The following WFDC11 variants were observed in gnomAD, a reference collection of about 807,000 sequenced individuals.
WFDC11 encodes protein WFDC11.
In WFDC11, 9 loss-of-function variants were observed where a neutral mutation model predicts 9.9. The observed-to-expected ratio is 0.91, with a 90% CI of 0.55 to 1.58. WFDC11 has a LOEUF of 1.58. Among genes scored for constraint, WFDC11 ranks in the 40% most tolerant of loss-of-function variants. The probability of loss-of-function intolerance (pLI) is 0.00; values close to 1 mark genes in which losing one functional copy is unlikely to be tolerated. For synonymous variants in WFDC11, 32 were observed against 33.3 expected (o/e 0.96, Z 0.13); for missense variants, 106 against 101.7 (o/e 1.04, Z -0.18).
intron 2 of WFDC11, among the ~76,000 whole-genome samples, chr20:45,664,280 C>A (rs1014110644): frequency 6.6e-6 from 1 of 151,902 alleles, no homozygotes; most frequent in African/African-American, 2.4e-5. Flanking sequence ...CTTAGTAGAT[C>A]GGCCTCCATC....
intron 3 of WFDC11, among the ~76,000 whole-genome samples, chr20:45,650,247 T>TATATAGAG (rs536980234): frequency 8.8e-4 from 131 of 148,928 alleles, no homozygotes; most frequent in Middle Eastern, 3.5e-3. Flanking sequence ...TGTATATATA[T>TATATAGAG]AGAGAGAGAG....
chr20:45,665,482 G>C (rs936415659), intron 2 of WFDC11, among the ~76,000 whole-genome samples: 1 of 152,200 alleles, frequency 6.6e-6, no homozygotes, highest in Non-Finnish European at 1.5e-5. Context: ...GCGATCATTT[G>C]GAGGAGAAGA....
chr20:45,663,995 C>T (rs543303428), intron 2 of WFDC11, among the ~76,000 whole-genome samples: 8 of 152,236 alleles, frequency 5.3e-5, no homozygotes, highest in South Asian at 2.1e-4. Flanking sequence ...CCCTCTGTCT[C>T]GTTGACCTGT....
intron 2 of WFDC11, among the ~76,000 whole-genome samples, chr20:45,666,146 C>T (rs1174221488): frequency 2.6e-5 from 4 of 152,220 alleles, no homozygotes; most frequent in Non-Finnish European, 5.9e-5. Context: ...CCCCTCCCCC[C>T]GCCAGGCTGC....
chr20:45,655,858 G>T (rs996775659), intron 2 of WFDC11, among the ~76,000 whole-genome samples: 2 of 152,090 alleles, frequency 1.3e-5, no homozygotes, highest in East Asian at 1.9e-4. Flanking sequence ...ATAAAATACC[G>T]AGGAATCCAA....
At chr20:45,663,108 A>G (rs940688803) in intron 2 of WFDC11, among the ~76,000 whole-genome samples, 11 of 151,994 alleles carry the variant, frequency 7.2e-5, no homozygotes, top group African/African-American at 2.7e-4. Context: ...GCCTGTTATT[A>G]GTATATTCAG....
intron 2 of WFDC11, among the ~76,000 whole-genome samples, chr20:45,663,105 A>G (rs1983107888): frequency 6.6e-6 from 1 of 152,080 alleles, no homozygotes; most frequent in Non-Finnish European, 1.5e-5. Context: ...AAAGCCTGTT[A>G]TTAGTATATT....
intron 2 of WFDC11, among the ~76,000 whole-genome samples, chr20:45,654,609 TAAAAAACCCTTC>T (rs748161059): frequency 1.8e-4 from 27 of 151,824 alleles, no homozygotes; most frequent in Non-Finnish European, 3.7e-4. Context: ...AATAGAGACA[TAAAAAACCCTTC>T]AAAAAATCAA....
intron 2 of WFDC11, among the ~76,000 whole-genome samples, chr20:45,653,005 T>C (rs948992667): frequency 6.6e-6 from 1 of 152,136 alleles, no homozygotes; most frequent in Non-Finnish European, 1.5e-5. Flanking sequence ...TGGAAAACAC[T>C]CTGCAGGATA....
At chr20:45,662,970 G>A (rs1021318508) in intron 2 of WFDC11, among the ~76,000 whole-genome samples, 7 of 152,126 alleles carry the variant, frequency 4.6e-5, no homozygotes, top group Admixed American at 6.5e-5. Context: ...TTTTTCTATT[G>A]ATTGGAATAA....
chr20:45,648,916 C>A (rs918658654), intron 4 of WFDC11, among the ~76,000 whole-genome samples, 177 bp from the exon 5 acceptor site: 2 of 152,144 alleles, frequency 1.3e-5, no homozygotes, highest in African/African-American at 2.4e-5. Flanking sequence ...AAGGTGGAGA[C>A]TTTGGGCCTG....
intron 2 of WFDC11, among the ~76,000 whole-genome samples, chr20:45,666,248 CTT>C (rs1200634851): frequency 6.6e-6 from 1 of 152,258 alleles, no homozygotes; most frequent in Non-Finnish European, 1.5e-5. Flanking sequence ...GAGAGAATCT[CTT>C]TGTCTGCCAG....
chr20:45,661,877 C>T (rs1355703442), intron 2 of WFDC11, among the ~76,000 whole-genome samples: 2 of 152,076 alleles, frequency 1.3e-5, no homozygotes, highest in African/African-American at 4.8e-5. Context: ...GTTCTTTTGG[C>T]TTAGGATTGT....
At chr20:45,666,647 A>G (rs1172934798) in intron 2 of WFDC11, among the ~76,000 whole-genome samples, 1 of 152,222 alleles carries the variant, frequency 6.6e-6, no homozygotes, top group African/African-American at 2.4e-5. Flanking sequence ...TTTAACCTTG[A>G]TCAAACATAC....
At chr20:45,660,035 T>A (rs1270328073) in intron 2 of WFDC11, among the ~76,000 whole-genome samples, 1 of 152,170 alleles carries the variant, frequency 6.6e-6, no homozygotes, top group Non-Finnish European at 1.5e-5. Flanking sequence ...ATGTGTGGTG[T>A]TATTTCTAAG....
intron 2 of WFDC11, among the ~76,000 whole-genome samples, chr20:45,653,763 A>C (rs555023520): frequency 6.6e-6 from 1 of 152,206 alleles, no homozygotes; most frequent in African/African-American, 2.4e-5. Flanking sequence ...AAAACAAAAA[A>C]AGTCAGGGGT....
At position 45,657,479 on chromosome 20, in the gene WFDC11, T is replaced by C. The variant is rs1270420875; in HGVS notation, c.-51-6828A>G. ...GGATAGCATTTGGAGACATACCTAA[T>C]GTTAAATGACGAGTTACTGGGTGCA... On this transcript the variant is annotated intron_variant, in intron 2 of 4. Coordinates refer to ENST00000324384, the MANE Select transcript of WFDC11 (RefSeq NM_147197.2). 4.6e-5 allele frequency among the ~76,000 whole-genome samples: 7 copies of C among 151,514 alleles called. No homozygotes were observed. The East Asian group carries it at 1.4e-3, about 30-fold the overall frequency.
intron 1 of WFDC11, among the ~76,000 whole-genome samples, chr20:45,668,478 C>T (rs544126548): frequency 2.4e-4 from 34 of 144,030 alleles, no homozygotes; most frequent in Non-Finnish European, 4.1e-4. Context: ...TACTTCTCTC[C>T]GTAGGAAAAA....
In WFDC11 at chr20:45,648,584, G is replaced by C. The variant is rs1982731378; in HGVS notation, c.*135C>G. The C allele has an allele frequency of 4.3e-6, 4 of 920,328 alleles. No homozygotes were observed. Among genetic ancestry groups the C allele is most frequent in the Non-Finnish European group, 6.7e-6 (4 of 600,758 alleles). The allele number at this position is 920,328 out of a possible 1,614,324, so 57.0% of individuals were successfully genotyped here. A position where few individuals can be genotyped will look rare whatever the true frequency, so the allele number is the denominator to read the frequency against. On this transcript the variant is annotated 3_prime_UTR_variant, in exon 5 of 5. Coordinates refer to ENST00000324384, the MANE Select transcript of WFDC11 (RefSeq NM_147197.2). ...CCACTACTGGTAAATAAGTTTATTT[G>C]TCAAGTGTTTGCTGTTGTCCAGCTC...
Sources: gnomAD v4.1 joint callset for allele counts (sites outside exome capture counted in the v4.1 genomes callset) on GRCh38, gnomAD v4.1.1 for gene constraint, MANE v1.5 for transcripts, NCBI Gene and HGNC (gene_info 2026-07-23, HGNC 2026-07-21) for gene names.